SLC35E2B: variants seen among roughly 807,000 people sequenced by gnomAD.
The protein encoded by SLC35E2B is solute carrier family 35 member E2B.
In SLC35E2B, 18 loss-of-function variants were observed where a neutral mutation model predicts 32.4. The ratio of observed to expected loss-of-function variants is 0.56; its 90% CI spans 0.38 to 0.82. The LOEUF (loss-of-function observed/expected upper bound fraction) is 0.82, where lower values mean the gene tolerates loss of function less well. SLC35E2B is among the 40% of genes least tolerant of loss of function. The pLI, the probability that SLC35E2B is intolerant of heterozygous loss-of-function variation, is 0.00. For missense variants in SLC35E2B, 263 were observed against 469.5 expected (o/e 0.56, Z 4.06); for synonymous variants, 132 against 209.1 (o/e 0.63, Z 3.18).
At chr1:1,690,659 AACCT>A (rs1475770781) in intron 2 of SLC35E2B, among the ~76,000 whole-genome samples, 1 of 117,542 alleles carries the variant, frequency 8.5e-6, no homozygotes, top group Non-Finnish European at 1.7e-5. Context: ...GAATCACTTG[AACCT>A]GGGAGGCGGA....
intron 2 of SLC35E2B, among the ~76,000 whole-genome samples, chr1:1,683,009 G>C (rs576862312): frequency 6.6e-6 from 1 of 152,086 alleles, no homozygotes; most frequent in East Asian, 1.9e-4. Flanking sequence ...CCCTGGAGGT[G>C]GAAATCGCAG....
chr1:1,687,197 C>T (rs1419938288), intron 2 of SLC35E2B, among the ~76,000 whole-genome samples: 2 of 152,224 alleles, frequency 1.3e-5, no homozygotes, highest in Non-Finnish European at 2.9e-5. Context: ...CGCACACACA[C>T]ACCCCAACAC....
Position 1,665,899 on chromosome 1 carries a change from G to A in SLC35E2B, c.1101C>T (p.Tyr367=), listed in dbSNP as rs1460245759. The part of the protein sequence containing the change: ...TALVTVGVLL[Y]NKARQHQQEA... ...CCTGCTGGTGTTGCCTGGCTTTGTT[G>A]TAGAGCAGGACCCCAACGGTCACCA... The change falls in exon 10 of 10, where the codon TAC becomes TAT. Residue 367 remains tyrosine, a synonymous_variant. Transcript: ENST00000617444. 6.4e-7 allele frequency: 1 copy of A among 1,551,316 alleles called. No individual in the cohort carries two copies. The highest frequency in any genetic ancestry group is 2.4e-5 in the East Asian group (1 of 40,930).
At chr1:1,677,634 C>T (rs1225232707) in intron 2 of SLC35E2B, among the ~76,000 whole-genome samples, 1 of 151,790 alleles carries the variant, frequency 6.6e-6, no homozygotes, top group Non-Finnish European at 1.5e-5. Flanking sequence ...TCCGCCACCA[C>T]GTCCGGCTAA....
At chr1:1,674,583 C>G (rs1289446310) in intron 5 of SLC35E2B, among the ~76,000 whole-genome samples, 3 of 149,756 alleles carry the variant, frequency 2.0e-5, no homozygotes, top group Non-Finnish European at 4.4e-5. Flanking sequence ...CGCCACTGCA[C>G]TGCAGCCTGG....
rs577664732 is a variant in SLC35E2B at position 1,685,533 on chromosome 1, C to T, written c.-148+5443G>A. On this transcript the variant is annotated intron_variant, in intron 2 of 9. Transcript: ENST00000617444. The stretch of plus-strand genomic sequence containing the variant: ...CAGTGCAGTGAGGTGGGGGCGGCTC[C>T]AGGTCTGACTTTCAGAACCATGAAA... Among the ~76,000 whole-genome samples the T allele has an allele frequency of 1.2e-4, 18 of 152,034 alleles. No homozygotes were observed. In the South Asian group the frequency reaches 3.5e-3, roughly 30 times the overall value.
At position 1,671,599 on chromosome 1, in the gene SLC35E2B, A is replaced by C; in HGVS notation, c.617T>G (p.Val206Gly). 6.5e-7 allele frequency: 1 copy of C among 1,548,474 alleles called. No homozygotes were observed. The highest frequency in any genetic ancestry group is 8.7e-7 in the Non-Finnish European group (1 of 1,145,688). Residue 206 changes from valine (V) to glycine (G), a missense_variant, in exon 6 of 10, where the codon GTC becomes GGC. By Grantham distance (109) the Val-to-Gly change is moderately radical. Transcript: ENST00000617444. ...GLLVNLSLIPVMGGLALCTAT... is the reference protein window; with the variant it reads ...GLLVNLSLIPGMGGLALCTAT... ...CGTGCACAGCGCCAGCCCGCCCATGACTGGGATGAGGGAGAGGTTGACCAG... is the reference window on the plus strand; with the variant it reads ...CGTGCACAGCGCCAGCCCGCCCATGCCTGGGATGAGGGAGAGGTTGACCAG...
In SLC35E2B at chr1:1,668,215, C is replaced by G. The variant is rs868263176; in HGVS notation, c.980+112G>C. 4,661 of 1,396,354 alleles carry G rather than the reference C, an allele frequency of 3.3e-3. 122 individuals carry two copies. In the African/African-American group the frequency reaches 0.053, roughly 16 times the overall value. The allele number at this position is 1,396,354 out of a possible 1,614,324, so 86.5% of individuals were successfully genotyped here. A position where few individuals can be genotyped will look rare whatever the true frequency, so the allele number is the denominator to read the frequency against. ...CTAGTAATTACACTGCATAGCCACACTCATCCCCGTGGAAGAGAATCACAT... is the reference window on the plus strand; with the variant it reads ...CTAGTAATTACACTGCATAGCCACAGTCATCCCCGTGGAAGAGAATCACAT... On this transcript the variant is annotated intron_variant, in intron 9 of 9. Transcript: ENST00000617444.
At chr1:1,669,605 G>T in intron 8 of SLC35E2B, 59 bp downstream of exon 8, 2 of 1,457,768 alleles carry the variant, frequency 1.4e-6, no homozygotes, top group South Asian at 2.7e-5. Flanking sequence ...TTCTGCTCCT[G>T]AATCACCGGA....
chr1:1,671,649 T>G lies in SLC35E2B; in HGVS notation c.587-20A>C. 2.0e-6 allele frequency: 3 copies of G among 1,509,564 alleles called. No homozygotes were observed. The highest frequency in any genetic ancestry group is 2.7e-6 in the Non-Finnish European group (3 of 1,123,724). The allele number at this position is 1,509,564 out of a possible 1,614,324, so 93.5% of individuals were successfully genotyped here. ...GCAGCCCTGGCGAGAGGACAGCCCC[T>G]GTGAGTGGCTGACCCGCCGGGCGGA... On this transcript the variant is annotated intron_variant, in intron 5 of 9. Transcript: ENST00000617444.
In SLC35E2B at chr1:1,665,904, G is replaced by A. The variant is rs1162321574; in HGVS notation, c.1096C>T (p.Leu366Phe). The A allele has an allele frequency of 1.3e-6, 2 of 1,551,230 alleles. No homozygotes were observed. The highest frequency in any genetic ancestry group is 1.7e-6 in the Non-Finnish European group (2 of 1,146,990). ...TGGTGTTGCCTGGCTTTGTTGTAGA[G>A]CAGGACCCCAACGGTCACCAGGGCT... is the stretch of plus-strand genomic sequence containing the variant. Reference protein sequence around the residue: ...GTALVTVGVLLYNKARQHQQE... With the variant: ...GTALVTVGVLFYNKARQHQQE... The change falls in exon 10 of 10, where the codon CTC becomes TTC. Residue 366 changes from leucine to phenylalanine, a missense_variant. By Grantham distance (22) the Leu-to-Phe change is conservative. Transcript: ENST00000617444.
rs550737260 is a variant in SLC35E2B at position 1,665,062 on chromosome 1, G to A, written c.*720C>T. 2.0e-3 allele frequency: 1,322 copies of A among 649,084 alleles called. 5 individuals carry two copies. Among genetic ancestry groups the A allele is most frequent in the Non-Finnish European group, 2.4e-3 (1,227 of 521,990 alleles). The allele number at this position is 649,084 out of a possible 1,614,324, so 40.2% of individuals were successfully genotyped here. ...TGCCCTGGGGTTGCGGGGAGCTCAC[G>A]CAGCCCAGGGTGTGGAAGGGATAGG... On this transcript the variant is annotated 3_prime_UTR_variant, in exon 10 of 10. Transcript: ENST00000617444.
intron 2 of SLC35E2B, among the ~76,000 whole-genome samples, chr1:1,680,075 C>T (rs1190677224): frequency 6.6e-6 from 1 of 151,396 alleles, no homozygotes; most frequent in Admixed American, 6.6e-5. Context: ...TGCGGTGAGC[C>T]GAGATCACAC....
intron 7 of SLC35E2B, 68 bp from the exon 8 acceptor site, chr1:1,669,804 C>A (rs1643639564): frequency 4.7e-6 from 7 of 1,477,210 alleles, no homozygotes; most frequent in Non-Finnish European, 6.5e-6. Context: ...AGCTCCCTCA[C>A]AGCAAGAACA....
At chr1:1,686,495 A>G (rs1402850347) in intron 2 of SLC35E2B, among the ~76,000 whole-genome samples, 1 of 151,988 alleles carries the variant, frequency 6.6e-6, no homozygotes, top group Non-Finnish European at 1.5e-5. Context: ...TAAAAATGAA[A>G]AAAAGAGGCT....
At chr1:1,672,952 A>G (rs1021373154) in intron 5 of SLC35E2B, 2 of 153,474 alleles carry the variant, frequency 1.3e-5, no homozygotes, top group Non-Finnish European at 2.9e-5. Context: ...GTTTTCTAAC[A>G]TCTCATCGAC....
At chr1:1,689,766 C>T (rs1176918478) in intron 2 of SLC35E2B, among the ~76,000 whole-genome samples, 1 of 151,284 alleles carries the variant, frequency 6.6e-6, no homozygotes, top group Non-Finnish European at 1.5e-5. Context: ...GTGGGCGGAT[C>T]ACTTGAGGTC....
In SLC35E2B at chr1:1,671,525, T is replaced by C. The variant is rs1369509476; in HGVS notation, c.691A>G (p.Thr231Ala). The change falls in exon 6 of 10, where the codon ACC becomes GCC. Residue 231 changes from threonine to alanine, a missense_variant. This residue lies in a region of SLC35E2B where 129 missense variants were observed against 164.5 expected (regional missense o/e 0.78). Transcript: ENST00000617444. ...GTGACTCACCAGTCCATGATGTTGG[T>C]GGACAGTGCGGCCGAGAACCCCAGG... ...NVLGFSAALSTNIMDCLQNVF... is the reference protein window; with the variant it reads ...NVLGFSAALSANIMDCLQNVF... 1 of 1,541,858 alleles carries C rather than the reference T, an allele frequency of 6.5e-7. No individual in the cohort carries two copies. Among genetic ancestry groups the C allele is most frequent in the Admixed American group, 2.0e-5 (1 of 49,776 alleles).
chr1:1,692,768 TG>T lies in SLC35E2B; in HGVS notation c.-886del, dbSNP rs1644031976. On this transcript the variant is annotated 5_prime_UTR_variant, in exon 1 of 10. Transcript: ENST00000617444. Reference sequence around the variant, plus strand: ...CCGCGGCCCACAACGCCCCCGCGGCTGCCCGTTGGTTCCGCCCGGGCCGTTC... The same window carrying T: ...CCGCGGCCCACAACGCCCCCGCGGCTCCCGTTGGTTCCGCCCGGGCCGTTC... 1.0e-6 allele frequency: 1 copy of T among 984,092 alleles called. No individual in the cohort carries two copies. The highest frequency in any genetic ancestry group is 1.8e-5 in the African/African-American group (1 of 56,724). The allele number at this position is 984,092 out of a possible 1,614,324, so 61.0% of individuals were successfully genotyped here.
Sources: allele counts gnomAD v4.1 joint callset (sites outside exome capture counted in the v4.1 genomes callset), GRCh38; gene constraint gnomAD v4.1.1; regional missense constraint gnomAD v4.1.1; transcripts MANE v1.5; gene names NCBI Gene and HGNC (gene_info 2026-07-23, HGNC 2026-07-21).